GPC5: variants seen among roughly 807,000 people sequenced by gnomAD.
GPC5 encodes the protein glypican 5.
In GPC5, 47 loss-of-function variants were observed where a neutral mutation model predicts 53.9. The observed-to-expected ratio is 0.87, with a 90% CI of 0.69 to 1.11. The LOEUF (loss-of-function observed/expected upper bound fraction) is 1.11, where lower values mean the gene tolerates loss of function less well. GPC5 is among the 50% of genes most tolerant of loss of function. The probability of loss-of-function intolerance (pLI) is 0.00; values close to 1 mark genes in which losing one functional copy is unlikely to be tolerated. For synonymous variants in GPC5, 286 were observed against 263.3 expected, an observed-to-expected ratio of 1.09 and a Z score of -0.84; for missense variants, 748 against 713.1, an observed-to-expected ratio of 1.05 and a Z score of -0.56.
chr13:92,523,062 C>T (rs1881131628), intron 7 of GPC5, among the ~76,000 whole-genome samples: 1 of 151,974 alleles, frequency 6.6e-6, no homozygotes, highest in Non-Finnish European at 1.5e-5. Flanking sequence ...GCAGAAAATG[C>T]GGAAAAGTGA....
At chr13:92,257,545 G>GTTTTTTTTTTTTTTTTTTT (rs1566507028) in intron 7 of GPC5, among the ~76,000 whole-genome samples, 7 of 50,018 alleles carry the variant, frequency 1.4e-4, no homozygotes, top group Non-Finnish European at 2.3e-4. Flanking sequence ...CTAATACAGG[G>GTTTTTTTTTTTTTTTTTTT]ATTTTTTTTT....
At chr13:91,554,604 C>T (rs1317925473) in intron 2 of GPC5, among the ~76,000 whole-genome samples, 2 of 152,062 alleles carry the variant, frequency 1.3e-5, no homozygotes, top group Non-Finnish European at 2.9e-5. Context: ...CTTTTCAAAA[C>T]AAAAGCTATT....
chr13:92,615,383 G>A (rs1002532792), intron 7 of GPC5, among the ~76,000 whole-genome samples: 25 of 152,166 alleles, frequency 1.6e-4, no homozygotes, highest in African/African-American at 5.8e-4. Context: ...CCAGAAGTAT[G>A]GAAAATGCAA....
intron 7 of GPC5, among the ~76,000 whole-genome samples, chr13:92,327,744 C>A (rs567106844): frequency 6.6e-6 from 1 of 152,138 alleles, no homozygotes; most frequent in African/African-American, 2.4e-5. Context: ...TCTTTTACAA[C>A]GAAATCAAAA....
chr13:92,614,906 G>T (rs962611404), intron 7 of GPC5, among the ~76,000 whole-genome samples: 13 of 152,176 alleles, frequency 8.5e-5, no homozygotes, highest in Non-Finnish European at 1.5e-4. Context: ...TTACAAAATA[G>T]TGTTAACTCT....
chr13:92,557,291 T>C (rs773823154), intron 7 of GPC5, among the ~76,000 whole-genome samples: 5 of 151,960 alleles, frequency 3.3e-5, no homozygotes, highest in East Asian at 1.9e-4. Context: ...TGTCTTACCA[T>C]GTTGATGTGG....
chr13:92,758,994 GTT>G (rs68182839), intron 7 of GPC5, among the ~76,000 whole-genome samples: 54 of 70,568 alleles, frequency 7.7e-4, no homozygotes, highest in Middle Eastern at 0.017. Flanking sequence ...TCCCATTGCG[GTT>G]TTTTTTTTTT....
chr13:92,753,306 C>T (rs1387004622), intron 7 of GPC5, among the ~76,000 whole-genome samples: 1 of 152,158 alleles, frequency 6.6e-6, no homozygotes, highest in African/African-American at 2.4e-5. Flanking sequence ...ACAGAAAGGA[C>T]ATCCACACCA....
intron 7 of GPC5, among the ~76,000 whole-genome samples, chr13:92,737,806 G>A (rs1472241676): frequency 1.3e-5 from 1 of 75,544 alleles, no homozygotes; most frequent in Non-Finnish European, 2.4e-5. Flanking sequence ...CACTCTTGTT[G>A]CCCAGGCTGG....
intron 6 of GPC5, among the ~76,000 whole-genome samples, chr13:91,919,623 G>A (rs2039691738): frequency 6.6e-6 from 1 of 152,040 alleles, no homozygotes; most frequent in South Asian, 2.1e-4. Flanking sequence ...GCAACACCTA[G>A]GATACATGGA....
At chr13:91,888,145 G>A (rs1368149146) in intron 5 of GPC5, among the ~76,000 whole-genome samples, 1 of 152,182 alleles carries the variant, frequency 6.6e-6, no homozygotes, top group Non-Finnish European at 1.5e-5. Context: ...CATGGCAGAA[G>A]ATGTAGGAGG....
chr13:91,775,536 T>C (rs2037697335), intron 5 of GPC5, among the ~76,000 whole-genome samples: 1 of 152,222 alleles, frequency 6.6e-6, no homozygotes, highest in South Asian at 2.1e-4. Context: ...TTCTCTTTTT[T>C]CCACTTTCCA....
intron 7 of GPC5, among the ~76,000 whole-genome samples, chr13:92,720,693 T>A (rs997215338): frequency 5.3e-5 from 8 of 152,280 alleles, no homozygotes; most frequent in African/African-American, 1.9e-4. Context: ...CTTATTCTTA[T>A]GACAAATGTG....
At chr13:92,724,351 T>A (rs1346780625) in intron 7 of GPC5, among the ~76,000 whole-genome samples, 2 of 151,604 alleles carry the variant, frequency 1.3e-5, no homozygotes, top group African/African-American at 4.8e-5. Flanking sequence ...AACAAAACAC[T>A]TACCTTCTTT....
chr13:91,932,184 G>A (rs1406902560), intron 6 of GPC5, among the ~76,000 whole-genome samples: 1 of 151,996 alleles, frequency 6.6e-6, no homozygotes, highest in African/African-American at 2.4e-5. Flanking sequence ...GAAAGAGACT[G>A]GAATGCCAAA....
intron 5 of GPC5, among the ~76,000 whole-genome samples, chr13:91,783,254 C>CAATAAATAAATA (rs200636590): frequency 1.3e-5 from 2 of 150,754 alleles, no homozygotes; most frequent in Non-Finnish European, 1.5e-5. Flanking sequence ...AACTCCATCT[C>CAATAAATAAATA]AATAAATAAA....
chr13:92,527,263 G>GAAAGAA (rs1881393930), intron 7 of GPC5, among the ~76,000 whole-genome samples: 1 of 114,080 alleles, frequency 8.8e-6, no homozygotes, highest in African/African-American at 4.2e-5. Flanking sequence ...AAGAAAGAAA[G>GAAAGAA]AAAGAAAGAA....
intron 6 of GPC5, among the ~76,000 whole-genome samples, chr13:92,017,718 TACAC>T (rs937106751): frequency 2.0e-5 from 3 of 151,836 alleles, no homozygotes; most frequent in Admixed American, 6.6e-5. Flanking sequence ...TGTGCACAAG[TACAC>T]ACACACATGC....
At chr13:91,873,477 G>A (rs986377906) in intron 5 of GPC5, among the ~76,000 whole-genome samples, 2 of 151,974 alleles carry the variant, frequency 1.3e-5, no homozygotes, top group African/African-American at 2.4e-5. Context: ...GGCCTTTCCC[G>A]TGCTGTTCTT....
Sources: gnomAD v4.1 joint callset for allele counts (sites outside exome capture counted in the v4.1 genomes callset) on GRCh38, gnomAD v4.1.1 for gene constraint, MANE v1.5 for transcripts, NCBI Gene and HGNC (gene_info 2026-07-23, HGNC 2026-07-21) for gene names.